Variants in FOXP2 observed in about 807,000 individuals in gnomAD.
FOXP2 encodes the protein forkhead box P2.
FOXP2 carries 12 observed loss-of-function variants against 115.8 expected under a neutral mutation model. That is an observed-to-expected ratio of 0.10 (90% CI 0.07 to 0.17). The LOEUF (loss-of-function observed/expected upper bound fraction) is 0.17, where lower values mean the gene tolerates loss of function less well. Ranked by LOEUF, FOXP2 falls within the 10% of genes least tolerant of loss-of-function variation. The pLI, the probability that FOXP2 is intolerant of heterozygous loss-of-function variation, is 1.00. For missense variants in FOXP2, 629 were observed against 843.5 expected (o/e 0.75, Z 3.15); for synonymous variants, 328 against 297.7 (o/e 1.10, Z -1.05).
chr7:114,629,915 G>A lies in FOXP2; in HGVS notation c.507G>A (p.Gln169=), dbSNP rs751847176. The change falls in exon 5 of 17, where the codon CAG becomes CAA. Residue 169 remains glutamine (Q), a synonymous_variant. Coordinates refer to ENST00000350908, the MANE Select transcript of FOXP2 (RefSeq NM_014491.4). Reference sequence around the variant, plus strand: ...AACAACAGCAGCAACAACAGCAGCAGCAACAACAACAACAACAGCAGCAAC... The same window carrying A: ...AACAACAGCAGCAACAACAGCAGCAACAACAACAACAACAACAGCAGCAAC... ...QQQQQQQQQQ[Q]QQQQQQQQQQ... is the part of the protein sequence containing the mutation. 2 of 1,608,488 alleles carry A rather than the reference G, an allele frequency of 1.2e-6. No homozygotes were observed. The highest frequency in any genetic ancestry group is 1.7e-6 in the Non-Finnish European group (2 of 1,177,980).
At chr7:114,387,567 T>A (rs935632612) in intron 2 of FOXP2, among the ~76,000 whole-genome samples, 1 of 152,174 alleles carries the variant, frequency 6.6e-6, no homozygotes, top group South Asian at 2.1e-4. Flanking sequence ...GTATGCTTTT[T>A]ACAACGTGTC....
chr7:114,505,169 A>T (rs539584084), intron 2 of FOXP2, among the ~76,000 whole-genome samples: 5 of 151,712 alleles, frequency 3.3e-5, no homozygotes, highest in African/African-American at 9.6e-5. Flanking sequence ...GATTAATTAA[A>T]CAAGTTATTC....
intron 1 of FOXP2, among the ~76,000 whole-genome samples, chr7:114,140,395 G>T (rs2129146916): frequency 6.6e-6 from 1 of 152,222 alleles, no homozygotes; most frequent in African/African-American, 2.4e-5. Context: ...ATTTGCCCTT[G>T]GCTTGAACCT....
At chr7:114,337,687 A>G (rs1797888217) in intron 2 of FOXP2, among the ~76,000 whole-genome samples, 1 of 151,286 alleles carries the variant, frequency 6.6e-6, no homozygotes, top group Admixed American at 6.6e-5. Flanking sequence ...TGTAAATATT[A>G]ATTGCTGTGC....
upstream of FOXP2, among the ~76,000 whole-genome samples, chr7:114,413,213 C>T (rs941954606): frequency 3.3e-5 from 5 of 152,038 alleles, no homozygotes; most frequent in South Asian, 8.3e-4. Flanking sequence ...TCATTGTATA[C>T]ATTATTCACA....
chr7:114,443,394 T>C (rs1314197323), intron 2 of FOXP2, among the ~76,000 whole-genome samples: 1 of 152,212 alleles, frequency 6.6e-6, no homozygotes, highest in Non-Finnish European at 1.5e-5. Flanking sequence ...TCACTTGTAC[T>C]GACAATCACT....
intron 3 of FOXP2, among the ~76,000 whole-genome samples, chr7:114,563,215 G>A (rs542250710): frequency 6.6e-5 from 10 of 152,148 alleles, no homozygotes; most frequent in Non-Finnish European, 8.8e-5. Flanking sequence ...TGAGATTTGG[G>A]TAGGGACATA....
chr7:114,666,319 T>G (rs1807160479), intron 16 of FOXP2: 1 of 152,094 alleles, frequency 6.6e-6, no homozygotes, highest in South Asian at 2.1e-4. Context: ...ATTTTAATTA[T>G]CTTGCAGAAT....
intron 2 of FOXP2, among the ~76,000 whole-genome samples, chr7:114,492,568 C>T (rs1436172788): frequency 1.3e-5 from 2 of 151,794 alleles, no homozygotes; most frequent in Non-Finnish European, 2.9e-5. Flanking sequence ...AATTTCCCTC[C>T]ACACACTGCT....
intron 2 of FOXP2, among the ~76,000 whole-genome samples, chr7:114,366,060 T>C (rs1337447364): frequency 2.0e-5 from 3 of 152,100 alleles, no homozygotes; most frequent in African/African-American, 7.2e-5. Flanking sequence ...TTTAAATAAG[T>C]GAACTCCATG....
chr7:114,585,585 G>A (rs7810688), intron 3 of FOXP2, among the ~76,000 whole-genome samples: 4,259 of 143,104 alleles, frequency 0.03, 194 homozygotes, highest in African/African-American at 0.1. Context: ...AAAAAAAAAA[G>A]CCAGGCATGG....
At chr7:114,158,600 A>G (rs1280534269), upstream of FOXP2, among the ~76,000 whole-genome samples, 2 of 152,066 alleles carry the variant, frequency 1.3e-5, no homozygotes, top group African/African-American at 2.4e-5. Context: ...CGCCTTGCCT[A>G]ATTAATATTT....
At chr7:114,354,853 G>A (rs966753718) in intron 2 of FOXP2, among the ~76,000 whole-genome samples, 8 of 152,234 alleles carry the variant, frequency 5.3e-5, no homozygotes, top group South Asian at 2.1e-4. Flanking sequence ...TTTTGAAAAG[G>A]TATATATTTT....
intron 1 of FOXP2, among the ~76,000 whole-genome samples, chr7:114,207,861 A>T (rs1794239553): frequency 1.3e-5 from 2 of 152,344 alleles, no homozygotes; most frequent in Admixed American, 6.5e-5. Flanking sequence ...GAATGCCATG[A>T]TTAAAAATAA....
upstream of FOXP2, among the ~76,000 whole-genome samples, chr7:114,409,832 A>G (rs1584702143): frequency 6.6e-6 from 1 of 152,122 alleles, no homozygotes; most frequent in East Asian, 1.9e-4. Flanking sequence ...TTTGATAACC[A>G]TCTTGATACT....
chr7:114,635,843 C>T (rs1467261274), intron 6 of FOXP2, among the ~76,000 whole-genome samples: 1 of 152,062 alleles, frequency 6.6e-6, no homozygotes, highest in Non-Finnish European at 1.5e-5. Flanking sequence ...AAGGAAACAT[C>T]ATTGGTTTTG....
intron 3 of FOXP2, among the ~76,000 whole-genome samples, chr7:114,622,320 A>G (rs1230296667): frequency 6.6e-6 from 1 of 151,990 alleles, no homozygotes; most frequent in Non-Finnish European, 1.5e-5. Flanking sequence ...CTGTATCTAC[A>G]GGAATGGAGG....
chr7:114,531,701 G>A (rs533893075), intron 2 of FOXP2, among the ~76,000 whole-genome samples: 49 of 151,958 alleles, frequency 3.2e-4, no homozygotes, highest in African/African-American at 1.2e-3. Flanking sequence ...ATTAAAAGAT[G>A]ATCCTCAGCT....
chr7:114,234,210 T>C (rs1453434628), intron 1 of FOXP2, among the ~76,000 whole-genome samples: 1 of 152,180 alleles, frequency 6.6e-6, no homozygotes, highest in Non-Finnish European at 1.5e-5. Flanking sequence ...ATGAAATAAT[T>C]GAGGAACCTG....
Sources: gnomAD v4.1 joint callset for allele counts (sites outside exome capture counted in the v4.1 genomes callset) on GRCh38, gnomAD v4.1.1 for gene constraint, MANE v1.5 for transcripts, NCBI Gene and HGNC (gene_info 2026-07-23, HGNC 2026-07-21) for gene names.